MDGA2: variants seen among roughly 807,000 people sequenced by gnomAD.
The protein encoded by MDGA2 is MAM domain containing glycosylphosphatidylinositol anchor 2, also known as MAM domain-containing glycosylphosphatidylinositol anchor protein 2.
Under a neutral mutation model 117.8 loss-of-function variants are expected in MDGA2, and 40 were observed. The ratio of observed to expected loss-of-function variants is 0.34; its 90% CI spans 0.26 to 0.44. The LOEUF is 0.44. MDGA2 is among the 20% of genes least tolerant of loss of function. The pLI is 1.00. For missense variants in MDGA2, 1,123 were observed against 1,250.6 expected, an observed-to-expected ratio of 0.90 and a Z score of 1.54; for synonymous variants, 452 against 439.0, an observed-to-expected ratio of 1.03 and a Z score of -0.37.
chr14:47,176,510 A>G lies in MDGA2; in HGVS notation c.596-32236T>C, dbSNP rs1013102922. Among the ~76,000 whole-genome samples the G allele has an allele frequency of 2.3e-3, 345 of 152,190 alleles. 6 individuals are homozygous for G. The highest frequency in any genetic ancestry group is 7.6e-3 in the African/African-American group (317 of 41,440). ...GAAATAACACTGCATATCTACAACT[A>G]TCTGATCTTTGACAAACCTGAGAAA... is the stretch of plus-strand genomic sequence containing the variant. On this transcript the variant is annotated intron_variant, in intron 3 of 16. Coordinates refer to ENST00000399232, the MANE Select transcript of MDGA2 (RefSeq NM_001113498.3).
intron 3 of MDGA2, among the ~76,000 whole-genome samples, chr14:47,188,802 A>C (rs952538526): frequency 1.3e-5 from 2 of 152,186 alleles, no homozygotes; most frequent in Admixed American, 6.5e-5. Context: ...ACGTCAGAGC[A>C]AAGAGATCAA....
At chr14:46,930,985 G>A (rs12885936) in intron 9 of MDGA2, among the ~76,000 whole-genome samples, 24,730 of 151,984 alleles carry the variant, frequency 0.16, 3,003 homozygotes, top group Non-Finnish European at 0.25. Flanking sequence ...GGGAGGCCGA[G>A]GCGGGCGGAT....
At chr14:47,596,717 G>C (rs1034657594) in intron 1 of MDGA2, among the ~76,000 whole-genome samples, 1 of 152,144 alleles carries the variant, frequency 6.6e-6, no homozygotes, top group Non-Finnish European at 1.5e-5. Flanking sequence ...ACCTAAACAT[G>C]TAACATCTCC....
chr14:47,201,203 T>C, intron 3 of MDGA2: 1 of 566,698 alleles, frequency 1.8e-6, no homozygotes, highest in Non-Finnish European at 3.3e-6. Context: ...TTTCACGTGG[T>C]TTATAACCCC....
chr14:47,084,436 G>C (rs1890819787), intron 6 of MDGA2, among the ~76,000 whole-genome samples: 1 of 143,608 alleles, frequency 7.0e-6, no homozygotes, highest in Non-Finnish European at 1.5e-5. Context: ...CAGTAAAAAA[G>C]AAGAAAAGTC....
At chr14:47,184,962 T>C (rs1328758401) in intron 3 of MDGA2, among the ~76,000 whole-genome samples, 2 of 150,732 alleles carry the variant, frequency 1.3e-5, no homozygotes, top group Admixed American at 6.6e-5. Context: ...ATAAATGGAA[T>C]GAAAGAAAGA....
chr14:47,205,700 T>A (rs1380527841), intron 3 of MDGA2, among the ~76,000 whole-genome samples: 1 of 151,966 alleles, frequency 6.6e-6, no homozygotes, highest in Non-Finnish European at 1.5e-5. Context: ...GAAAAGTAAG[T>A]CTCTTTGTTA....
At position 47,675,111 on chromosome 14, in the gene MDGA2, C is replaced by T. The variant is rs1219051097; in HGVS notation, c.-315G>A. ...GGAAGTGGCCTCTGACCCAGGACAC[C>T]GAGCAGGGCTCTCTTGCCTGGATTC... On this transcript the variant is annotated 5_prime_UTR_variant, in exon 1 of 17. Transcript: ENST00000399232. 2.6e-5 allele frequency among the ~76,000 whole-genome samples: 4 copies of T among 151,820 alleles called. No individual in the cohort carries two copies. Among genetic ancestry groups the T allele is most frequent in the Admixed American group, 2.0e-4 (3 of 15,256 alleles).
intron 1 of MDGA2, among the ~76,000 whole-genome samples, chr14:47,450,272 C>G (rs958609033): frequency 1.3e-5 from 2 of 151,882 alleles, no homozygotes; most frequent in Admixed American, 6.6e-5. Flanking sequence ...GTAGAGTTGT[C>G]ACTTTTCTCT....
At chr14:47,656,390 T>A (rs1397862115) in intron 1 of MDGA2, among the ~76,000 whole-genome samples, 1 of 152,134 alleles carries the variant, frequency 6.6e-6, no homozygotes, top group Non-Finnish European at 1.5e-5. Context: ...TAGCTCCACA[T>A]GTGGTATAAA....
chr14:47,084,993 A>G (rs1467175309), intron 6 of MDGA2, among the ~76,000 whole-genome samples: 4 of 152,182 alleles, frequency 2.6e-5, no homozygotes, highest in African/African-American at 9.6e-5. Flanking sequence ...TACAGCCAAT[A>G]ACAAAAATAT....
In MDGA2 at chr14:47,605,008, G is replaced by C. The variant is rs190292602; in HGVS notation, c.280+69509C>G. On this transcript the variant is annotated intron_variant, in intron 1 of 16. Coordinates refer to ENST00000399232, the MANE Select transcript of MDGA2 (RefSeq NM_001113498.3). ...TTTTTTAAACCACTAAACTTGGTTG[G>C]GGGGGGTGTATGCTGTGAACGCATG... Among the ~76,000 whole-genome samples the C allele has an allele frequency of 3.0e-5, 4 of 131,156 alleles. 1 individual carries two copies. The highest frequency in any genetic ancestry group is 5.2e-4 in the East Asian group (2 of 3,840). 86.0% of individuals were successfully genotyped at this position (131,156 alleles called of 152,430 possible). A position where few individuals can be genotyped will look rare whatever the true frequency, so the allele number is the denominator to read the frequency against.
At chr14:47,163,112 T>C (rs1279068237) in intron 3 of MDGA2, among the ~76,000 whole-genome samples, 1 of 152,212 alleles carries the variant, frequency 6.6e-6, no homozygotes, top group East Asian at 1.9e-4. Flanking sequence ...AATCTGGTTG[T>C]TGATGAATCC....
chr14:47,441,103 A>C (rs973802965), intron 1 of MDGA2, among the ~76,000 whole-genome samples: 3 of 152,164 alleles, frequency 2.0e-5, no homozygotes, highest in African/African-American at 7.2e-5. Flanking sequence ...GGGAGCCAAA[A>C]GGTGAGACCG....
chr14:47,242,123 A>C (rs1042800440), intron 2 of MDGA2, among the ~76,000 whole-genome samples: 4 of 151,938 alleles, frequency 2.6e-5, no homozygotes, highest in Non-Finnish European at 4.4e-5. Context: ...CTACTATTTC[A>C]TTTAGAATAA....
At chr14:47,516,506 C>G (rs1894754373) in intron 1 of MDGA2, among the ~76,000 whole-genome samples, 1 of 152,128 alleles carries the variant, frequency 6.6e-6, no homozygotes, top group Non-Finnish European at 1.5e-5. Context: ...TTCTTGAGTA[C>G]AGAGTTTGAT....
rs1363063610 is a variant in MDGA2, at chr14:46,940,778, T to C, written c.2089+16596A>G. 3.3e-5 allele frequency among the ~76,000 whole-genome samples: 5 copies of C among 152,228 alleles called. No individual in the cohort carries two copies. The East Asian group carries it at 9.6e-4, about 29-fold the overall frequency. On this transcript the variant is annotated intron_variant, in intron 9 of 16. Transcript: ENST00000399232. ...GCTGAAAGAACTGAATGTTCAATGG[T>C]GTACTTATAGACCACATTAACTTCT... is the stretch of plus-strand genomic sequence containing the variant.
At chr14:47,368,481 T>A (rs1891277718) in intron 1 of MDGA2, among the ~76,000 whole-genome samples, 2 of 152,190 alleles carry the variant, frequency 1.3e-5, no homozygotes, top group South Asian at 4.1e-4. Flanking sequence ...TTGGATCACT[T>A]TGCCTATAGT....
chr14:47,005,700 T>C (rs560380488), intron 8 of MDGA2, among the ~76,000 whole-genome samples: 46 of 151,730 alleles, frequency 3.0e-4, no homozygotes, highest in African/African-American at 1.1e-3. Flanking sequence ...CTAATTTTGA[T>C]ATTAAAATTT....
Sources: allele counts gnomAD v4.1 joint callset (sites outside exome capture counted in the v4.1 genomes callset), GRCh38; gene constraint gnomAD v4.1.1; transcripts MANE v1.5; gene names NCBI Gene and HGNC (gene_info 2026-07-23, HGNC 2026-07-21).